The following ELOA2 variants were observed in gnomAD, a reference collection of about 807,000 sequenced individuals.
ELOA2 encodes elongin A2.
For missense variants in ELOA2, 1,271 were observed against 979.7 expected (o/e 1.30, Z -3.97); for synonymous variants, 497 against 398.8 (o/e 1.25, Z -2.94).
In ELOA2 at chr18:47,035,576, T is replaced by A; in HGVS notation, c.-312A>T. The A allele has an allele frequency of 3.5e-6, 2 of 566,632 alleles. No individual in the cohort carries two copies. Among genetic ancestry groups the A allele is most frequent in the Non-Finnish European group, 3.2e-6 (1 of 313,170 alleles). 35.1% of individuals were successfully genotyped at this position (566,632 alleles called of 1,614,324 possible). A position where few individuals can be genotyped will look rare whatever the true frequency, so the allele number is the denominator to read the frequency against. On this transcript the variant is annotated 5_prime_UTR_variant, in exon 1 of 1. Transcript: ENST00000332567. Reference sequence around the variant, plus strand: ...TCTGGTGCCAGAGCTGGGCCTTATGTAGCCCATCCCAGGCTGACACTCACG... The same window carrying A: ...TCTGGTGCCAGAGCTGGGCCTTATGAAGCCCATCCCAGGCTGACACTCACG...
rs752305217 is a variant in ELOA2 at position 47,033,103 on chromosome 18, G to C, written c.2162C>G (p.Ala721Gly). ...TTTCCGGGTTTTGGCCGCGGGCGCC[G>C]CGTGCTCATTGCTGCTGCTCAGGCA... ...NPCLSSSNEH[A>G]APAAKTRKQA... The change falls in exon 1 of 1, where the codon GCG (alanine) becomes GGG (glycine). Residue 721 changes from alanine (A) to glycine (G), a missense_variant. By Grantham distance (60) the Ala-to-Gly change is moderately conservative (BLOSUM62 0). Transcript: ENST00000332567. The C allele has an allele frequency of 8.7e-6, 14 of 1,613,982 alleles. No homozygotes were observed. In the Admixed American group the frequency reaches 2.2e-4, roughly 25 times the overall value.
chr18:47,032,760 T>G lies in ELOA2; in HGVS notation c.*243A>C, dbSNP rs949571415. On this transcript the variant is annotated 3_prime_UTR_variant, in exon 1 of 1. Coordinates refer to ENST00000332567, the MANE Select transcript of ELOA2 (RefSeq NM_016427.3). ...AAAAATTATCAGTGAACATCCAAAA[T>G]AGAATTGTTCCCAATGCGTTCATAT... The G allele has an allele frequency of 1.4e-5, 9 of 656,392 alleles. No individual in the cohort carries two copies. Among genetic ancestry groups the G allele is most frequent in the Admixed American group, 6.3e-5 (2 of 31,774 alleles). The allele number at this position is 656,392 out of a possible 1,614,324, so 40.7% of individuals were successfully genotyped here. A position where few individuals can be genotyped will look rare whatever the true frequency, so the allele number is the denominator to read the frequency against.
chr18:47,035,284 C>T lies in ELOA2; in HGVS notation c.-20G>A, dbSNP rs778562651. On this transcript the variant is annotated 5_prime_UTR_variant, in exon 1 of 1. Coordinates refer to ENST00000332567, the MANE Select transcript of ELOA2 (RefSeq NM_016427.3). Reference sequence around the variant, plus strand: ...CGCCATCTCACCAGAGCTGTGCAGGCGTCGCTGTCCCGGCGGTCGCAGCTC... The same window carrying T: ...CGCCATCTCACCAGAGCTGTGCAGGTGTCGCTGTCCCGGCGGTCGCAGCTC... 7.4e-6 allele frequency: 12 copies of T among 1,612,078 alleles called. No individual in the cohort carries two copies. The highest frequency in any genetic ancestry group is 2.7e-5 in the African/African-American group (2 of 74,870).
At position 47,035,324 on chromosome 18, in the gene ELOA2, C is replaced by A. The variant is rs1005001060; in HGVS notation, c.-60G>T. 1.9e-6 allele frequency: 3 copies of A among 1,608,766 alleles called. No homozygotes were observed. The highest frequency in any genetic ancestry group is 8.5e-7 in the Non-Finnish European group (1 of 1,177,638). ...GGTCGCAGCTCTGTCTTTGGGGCTG[C>A]GGGACAGGAAGTCTGGGGTGGCCGG... On this transcript the variant is annotated 5_prime_UTR_variant, in exon 1 of 1. Transcript: ENST00000332567.
In ELOA2 at chr18:47,035,471, A is replaced by G; in HGVS notation, c.-207T>C. 9.1e-7 allele frequency: 1 copy of G among 1,101,330 alleles called. No individual in the cohort carries two copies. The highest frequency in any genetic ancestry group is 1.3e-6 in the Non-Finnish European group (1 of 780,594). The allele number at this position is 1,101,330 out of a possible 1,614,324, so 68.2% of individuals were successfully genotyped here. On this transcript the variant is annotated 5_prime_UTR_variant, in exon 1 of 1. Transcript: ENST00000332567. ...CGGCCGTCCTTGCAGACAGCTGAGCAGGCCCGCTTTTGTTCCTCGGGATGT... is the reference window on the plus strand; with the variant it reads ...CGGCCGTCCTTGCAGACAGCTGAGCGGGCCCGCTTTTGTTCCTCGGGATGT...
rs1449590243 is a variant in ELOA2 at position 47,033,402 on chromosome 18, T to G, written c.1863A>C (p.Val621=). ...LPDAPEQRLR[V]MTTNIRSARG... is the part of the protein sequence containing the mutation. ...GTGCAGATCGGATATTCGTTGTCAT[T>G]ACTCTCAGCCGCTGCTCTGGGGCGT... Residue 621 remains valine (V), a synonymous_variant, in exon 1 of 1, where the codon GTA becomes GTC. Coordinates refer to ENST00000332567, the MANE Select transcript of ELOA2 (RefSeq NM_016427.3). The G allele has an allele frequency of 6.2e-6, 10 of 1,614,072 alleles. No individual in the cohort carries two copies. The highest frequency in any genetic ancestry group is 8.5e-6 in the Non-Finnish European group (10 of 1,180,038).
chr18:47,035,286 T>C lies in ELOA2; in HGVS notation c.-22A>G. On this transcript the variant is annotated 5_prime_UTR_variant, in exon 1 of 1. Transcript: ENST00000332567. ...CCATCTCACCAGAGCTGTGCAGGCG[T>C]CGCTGTCCCGGCGGTCGCAGCTCTG... 1.9e-6 allele frequency: 3 copies of C among 1,612,056 alleles called. No homozygotes were observed. Among genetic ancestry groups the C allele is most frequent in the Non-Finnish European group, 2.5e-6 (3 of 1,179,668 alleles).
At position 47,035,609 on chromosome 18, in the gene ELOA2, C is replaced by T; in HGVS notation, c.-345G>A. The T allele has an allele frequency of 2.0e-6, 1 of 499,652 alleles. No homozygotes were observed. Among genetic ancestry groups the T allele is most frequent in the Non-Finnish European group, 3.7e-6 (1 of 267,664 alleles). 31.0% of individuals were successfully genotyped at this position (499,652 alleles called of 1,614,324 possible). A position where few individuals can be genotyped will look rare whatever the true frequency, so the allele number is the denominator to read the frequency against. On this transcript the variant is annotated 5_prime_UTR_variant, in exon 1 of 1. Transcript: ENST00000332567. ...CCCAGGCTGACACTCACGGCTCTAG[C>T]CCTGACCCTCTTAGCTCTTGGGCTG...
the ELOA2 span, chr18:47,033,904 ACCGTTTTCGGC>A: frequency 6.2e-7 from 1 of 1,613,082 alleles, no homozygotes; most frequent in Non-Finnish European, 8.5e-7. Context: ...ATGGCTGGGC[ACCGTTTTCGGC>A]CCGGCGGAAT....
At position 47,035,031 on chromosome 18, in the gene ELOA2, G is replaced by C. The variant is rs1206864892; in HGVS notation, c.234C>G (p.Leu78=). 18 of 1,611,634 alleles carry C rather than the reference G, an allele frequency of 1.1e-5. No homozygotes were observed. The highest frequency in any genetic ancestry group is 1.5e-5 in the Non-Finnish European group (18 of 1,179,702). The change falls in exon 1 of 1, where the codon CTC becomes CTG. Residue 78 remains leucine (L), a synonymous_variant. Transcript: ENST00000332567. The part of the protein sequence containing the change: ...DLAARWKKLV[L]VDRNTRPGPQ... ...GGCCAGGCCGGGTGTTTCGGTCCAC[G>C]AGCACCAGCTTCTTCCACCGGGCCG...
In ELOA2 at chr18:47,034,192, C is replaced by T. The variant is rs142609283; in HGVS notation, c.1073G>A (p.Arg358Lys). The change falls in exon 1 of 1, where the codon AGA becomes AAA. Residue 358 changes from arginine to lysine, a missense_variant. Arg to Lys is a conservative substitution (Grantham distance 26). Transcript: ENST00000332567. ...EGKPPTAHLD[R>K]TSVSSLSEVE... ...CTCAGAGAGGGAGCTCACGGACGTTCTGTCCAAATGAGCAGTCGGTGGCTT... is the reference window on the plus strand; with the variant it reads ...CTCAGAGAGGGAGCTCACGGACGTTTTGTCCAAATGAGCAGTCGGTGGCTT... 2.5e-6 allele frequency: 4 copies of T among 1,613,996 alleles called. No individual in the cohort carries two copies. The highest frequency in any genetic ancestry group is 3.4e-6 in the Non-Finnish European group (4 of 1,179,956).
Position 47,033,102 on chromosome 18 carries a change from C to G in ELOA2, c.2163G>C (p.Ala721=). The G allele has an allele frequency of 6.2e-7, 1 of 1,614,118 alleles. No individual in the cohort carries two copies. The highest frequency in any genetic ancestry group is 8.5e-7 in the Non-Finnish European group (1 of 1,180,042). ...GTTTCCGGGTTTTGGCCGCGGGCGC[C>G]GCGTGCTCATTGCTGCTGCTCAGGC... ...NPCLSSSNEH[A]APAAKTRKQA... Residue 721 remains alanine, a synonymous_variant, in exon 1 of 1, where the codon GCG becomes GCC. Coordinates refer to ENST00000332567, the MANE Select transcript of ELOA2 (RefSeq NM_016427.3).
At position 47,034,443 on chromosome 18, in the gene ELOA2, C is replaced by T. The variant is rs148989408; in HGVS notation, c.822G>A (p.Arg274=). 1.1e-3 allele frequency: 1,825 copies of T among 1,614,166 alleles called. 1 individual carries two copies. Among genetic ancestry groups the T allele is most frequent in the Non-Finnish European group, 1.5e-3 (1,735 of 1,180,042 alleles). ...TGTCTGTCTTGAAGTCCGAAGGCTG[C>T]CTGTCCCTGGCACTTGCCCAGGAGG... is the stretch of plus-strand genomic sequence containing the variant. The part of the protein sequence containing the change: ...RMPSWASARD[R]QPSDFKTDKE... Residue 274 remains arginine, a synonymous_variant, in exon 1 of 1, where the codon AGG becomes AGA. Coordinates refer to ENST00000332567, the MANE Select transcript of ELOA2 (RefSeq NM_016427.3).
chr18:47,034,950 G>C lies in ELOA2; in HGVS notation c.315C>G (p.Asp105Glu), dbSNP rs138936821. Residue 105 changes from aspartate to glutamate, a missense_variant, in exon 1 of 1, where the codon GAC becomes GAG. Asp to Glu is a conservative substitution (Grantham distance 45, BLOSUM62 2). Coordinates refer to ENST00000332567, the MANE Select transcript of ELOA2 (RefSeq NM_016427.3). ...SRQRFGEALQ[D>E]QEKAWGFPEN... ...CTGGGAAGCCCCAGGCCTTTTCCTG[G>C]TCCTGAAGAGCCTCCCCGAAGCGCT... 4.2e-3 allele frequency: 6,717 copies of C among 1,600,576 alleles called. 172 individuals carry two copies. Among genetic ancestry groups the C allele is most frequent in the South Asian group, 0.012 (1,053 of 90,762 alleles).
Position 47,034,243 on chromosome 18 carries a change from G to A in ELOA2, c.1022C>T (p.Ser341Phe). Residue 341 changes from serine to phenylalanine, a missense_variant, in exon 1 of 1, where the codon TCC (serine) becomes TTC (phenylalanine). By Grantham distance (155) the Ser-to-Phe change is radical. Coordinates refer to ENST00000332567, the MANE Select transcript of ELOA2 (RefSeq NM_016427.3). ...CCCCTCTTGAGTCTCTCGGTCGTTG[G>A]AAAGCTGCTCTTTCTCCTCGGGCGA... The part of the protein sequence containing the change: ...GLSPEEKEQL[S>F]NDRETQEGKP... 3 of 1,613,976 alleles carry A rather than the reference G, an allele frequency of 1.9e-6. No homozygotes were observed. In the South Asian group the frequency reaches 3.3e-5, roughly 18 times the overall value.
At position 47,033,328 on chromosome 18, in the gene ELOA2, G is replaced by T. The variant is rs2060576219; in HGVS notation, c.1937C>A (p.Ser646Tyr). The change falls in exon 1 of 1, where the codon TCT (serine) becomes TAT (tyrosine). Residue 646 changes from serine to tyrosine, a missense_variant. Physicochemically the swap from Ser to Tyr is moderately radical, Grantham distance 144. Transcript: ENST00000332567. ...AGTATCATAAGGCGTCTTGGCCACAGATTTGAAACAGATCATCTTTGCCTC... is the reference window on the plus strand; with the variant it reads ...AGTATCATAAGGCGTCTTGGCCACATATTTGAAACAGATCATCTTTGCCTC... ...GREAKMICFK[S>Y]VAKTPYDTSR... 1 of 1,613,844 alleles carries T rather than the reference G, an allele frequency of 6.2e-7. No homozygotes were observed. The highest frequency in any genetic ancestry group is 8.5e-7 in the Non-Finnish European group (1 of 1,180,048).
rs978399019 is a variant in ELOA2 at position 47,033,345 on chromosome 18, C to T, written c.1920G>A (p.Lys640=). 11 of 1,614,048 alleles carry T rather than the reference C, an allele frequency of 6.8e-6. No individual in the cohort carries two copies. Among genetic ancestry groups the T allele is most frequent in the Non-Finnish European group, 8.5e-6 (10 of 1,180,044 alleles). Residue 640 remains lysine (K), a synonymous_variant, in exon 1 of 1, where the codon AAG becomes AAA. Transcript: ENST00000332567. ...TGGCCACAGATTTGAAACAGATCAT[C>T]TTTGCCTCTCTGCCGTTGGGGTTGT... The part of the protein sequence containing the change: ...RGNNPNGREA[K]MICFKSVAKT...
In ELOA2 at chr18:47,032,764, A is replaced by T. The variant is rs1045929118; in HGVS notation, c.*239T>A. 3.0e-6 allele frequency: 2 copies of T among 670,508 alleles called. No homozygotes were observed. The highest frequency in any genetic ancestry group is 4.9e-6 in the Non-Finnish European group (2 of 404,794). The allele number at this position is 670,508 out of a possible 1,614,324, so 41.5% of individuals were successfully genotyped here. A position where few individuals can be genotyped will look rare whatever the true frequency, so the allele number is the denominator to read the frequency against. Reference sequence around the variant, plus strand: ...ATTATCAGTGAACATCCAAAATAGAATTGTTCCCAATGCGTTCATATCTTC... The same window carrying T: ...ATTATCAGTGAACATCCAAAATAGATTTGTTCCCAATGCGTTCATATCTTC... On this transcript the variant is annotated 3_prime_UTR_variant, in exon 1 of 1. Coordinates refer to ENST00000332567, the MANE Select transcript of ELOA2 (RefSeq NM_016427.3).
rs2060637718 is a variant in ELOA2 at position 47,034,167 on chromosome 18, C to G, written c.1098G>C (p.Glu366Asp). The G allele has an allele frequency of 6.2e-7, 1 of 1,614,228 alleles. No individual in the cohort carries two copies. ...CCTCAGCCATATCTACCTCCTCCACCTCAGAGAGGGAGCTCACGGACGTTC... is the reference window on the plus strand; with the variant it reads ...CCTCAGCCATATCTACCTCCTCCACGTCAGAGAGGGAGCTCACGGACGTTC... Reference protein sequence around the residue: ...LDRTSVSSLSEVEEVDMAEEF... With the variant: ...LDRTSVSSLSDVEEVDMAEEF... Residue 366 changes from glutamate to aspartate, a missense_variant, in exon 1 of 1, where the codon GAG (glutamate) becomes GAC (aspartate). Glu to Asp is a conservative substitution (Grantham distance 45, BLOSUM62 2). Transcript: ENST00000332567.
Sources: allele counts gnomAD v4.1 joint callset, GRCh38; gene constraint gnomAD v4.1.1; transcripts MANE v1.5; gene names NCBI Gene and HGNC (gene_info 2026-07-23, HGNC 2026-07-21).